CALCRL: variants seen among roughly 807,000 people sequenced by gnomAD.
CALCRL encodes the protein calcitonin receptor like receptor.
CALCRL carries 27 observed loss-of-function variants against 60.4 expected under a neutral mutation model. The observed-to-expected ratio is 0.45, with a 90% confidence interval of 0.33 to 0.62. The LOEUF (loss-of-function observed/expected upper bound fraction) is 0.62. Ranked by LOEUF, CALCRL falls within the 20% of genes least tolerant of loss-of-function variation. CALCRL has a pLI of 0.03. For synonymous variants in CALCRL, 190 were observed against 182.6 expected (o/e 1.04, Z -0.33); for missense variants, 424 against 540.7 (o/e 0.78, Z 2.14).
At chr2:187,436,851 CTCTT>C (rs1229523001) in intron 1 of CALCRL, among the ~76,000 whole-genome samples, 2 of 152,146 alleles carry the variant, frequency 1.3e-5, no homozygotes, top group Admixed American at 6.5e-5. Context: ...CTTTTATCTT[CTCTT>C]TCTTTTCTTG....
At chr2:187,411,978 CAAAAAAAAAAAAA>C (rs56075258) in intron 1 of CALCRL, among the ~76,000 whole-genome samples, 1 of 61,474 alleles carries the variant, frequency 1.6e-5, no homozygotes, top group Admixed American at 1.7e-4. Flanking sequence ...GACTCTGTCT[CAAAAAAAAAAAAA>C]AAAAAAAAAA....
intron 1 of CALCRL, among the ~76,000 whole-genome samples, chr2:187,417,700 A>G (rs1405432940): frequency 6.6e-6 from 1 of 152,112 alleles, no homozygotes; most frequent in Admixed American, 6.5e-5. Context: ...TAAATAGGCC[A>G]TGGGAGTCAG....
intron 1 of CALCRL, among the ~76,000 whole-genome samples, chr2:187,445,187 G>A (rs926867504): frequency 6.6e-6 from 1 of 151,502 alleles, no homozygotes; most frequent in Non-Finnish European, 1.5e-5. Flanking sequence ...ACTAAGATAC[G>A]TTACACACTT....
intron 1 of CALCRL, among the ~76,000 whole-genome samples, chr2:187,435,422 C>T (rs929810878): frequency 7.2e-5 from 11 of 152,144 alleles, no homozygotes; most frequent in African/African-American, 2.7e-4. Context: ...GGAGCCATCC[C>T]CATGATTCAG....
At chr2:187,375,000 C>T (rs1237296437) in intron 8 of CALCRL, among the ~76,000 whole-genome samples, 10 of 152,158 alleles carry the variant, frequency 6.6e-5, no homozygotes, top group Middle Eastern at 3.4e-3. Context: ...TGGCCGGGCG[C>T]GGTGGCTCAC....
chr2:187,400,755 T>C (rs1227101976), intron 1 of CALCRL, among the ~76,000 whole-genome samples: 1 of 151,260 alleles, frequency 6.6e-6, no homozygotes, highest in East Asian at 1.9e-4. Flanking sequence ...CTTGTAAACA[T>C]TATGCAAAGT....
chr2:187,380,598 A>C lies in CALCRL; in HGVS notation c.296-19T>G, dbSNP rs778564870. Reference sequence around the variant, plus strand: ...ACTTTTTCTTTAAAATTAAAAAAAAAGGGAAAACAGGAATTTAATTAACCT... The same window carrying C: ...ACTTTTTCTTTAAAATTAAAAAAAACGGGAAAACAGGAATTTAATTAACCT... On this transcript the variant is annotated intron_variant, in intron 6 of 14. Transcript: ENST00000392370. 3.8e-6 allele frequency: 6 copies of C among 1,587,724 alleles called. No individual in the cohort carries two copies. The East Asian group carries it at 1.1e-4, about 30-fold the overall frequency.
intron 14 of CALCRL, among the ~76,000 whole-genome samples, chr2:187,348,027 A>G (rs936201049): frequency 2.0e-5 from 3 of 151,742 alleles, no homozygotes; most frequent in Non-Finnish European, 4.4e-5. Flanking sequence ...TCTGAAGAAA[A>G]CAATTTATAT....
Position 187,426,241 on chromosome 2 carries a change from TA to T in CALCRL, c.-293+21797del, listed in dbSNP as rs71399225. Reference sequence around the variant, plus strand: ...TGAAGTTATGGTGTCTGTCATTTATTATTTTTTTTTTTTGCAGACGTGTGCA... The same window carrying T: ...TGAAGTTATGGTGTCTGTCATTTATTTTTTTTTTTTTTGCAGACGTGTGCA... On this transcript the variant is annotated intron_variant, in intron 1 of 14. Coordinates refer to ENST00000392370, the MANE Select transcript of CALCRL (RefSeq NM_005795.6). 7.7e-3 allele frequency among the ~76,000 whole-genome samples: 996 copies of T among 129,076 alleles called. 10 individuals carry two copies. Among genetic ancestry groups the T allele is most frequent in the African/African-American group, 0.022 (840 of 38,698 alleles). The allele number at this position is 129,076 out of a possible 152,430, so 84.7% of individuals were successfully genotyped here.
At chr2:187,373,465 T>C (rs1687619031) in intron 8 of CALCRL, among the ~76,000 whole-genome samples, 1 of 152,210 alleles carries the variant, frequency 6.6e-6, no homozygotes, top group South Asian at 2.1e-4. Flanking sequence ...AAAATGTTCA[T>C]TCAATGTTTA....
intron 1 of CALCRL, among the ~76,000 whole-genome samples, chr2:187,391,536 TAAGTA>T (rs1213982259): frequency 6.6e-6 from 1 of 152,140 alleles, no homozygotes; most frequent in Admixed American, 6.6e-5. Context: ...TTTATACTGT[TAAGTA>T]AATTTGTAAT....
At chr2:187,433,624 T>C (rs2105896866) in intron 1 of CALCRL, among the ~76,000 whole-genome samples, 1 of 152,114 alleles carries the variant, frequency 6.6e-6, no homozygotes, top group Non-Finnish European at 1.5e-5. Flanking sequence ...CAAAACTGGC[T>C]GAAATGGTTG....
chr2:187,382,227 T>C (rs1162319451), intron 5 of CALCRL, among the ~76,000 whole-genome samples: 1 of 152,254 alleles, frequency 6.6e-6, no homozygotes, highest in South Asian at 2.1e-4. Context: ...TCTGGTCAAA[T>C]GGATTTTAGA....
intron 5 of CALCRL, among the ~76,000 whole-genome samples, chr2:187,381,201 G>A (rs1457817265): frequency 6.6e-6 from 1 of 152,016 alleles, no homozygotes; most frequent in African/African-American, 2.4e-5. Context: ...AGTATTTTCT[G>A]AAGCAAGCCA....
intron 1 of CALCRL, among the ~76,000 whole-genome samples, chr2:187,404,724 G>A (rs1471759073): frequency 6.6e-6 from 1 of 151,708 alleles, no homozygotes; most frequent in Non-Finnish European, 1.5e-5. Flanking sequence ...GACGACGAAA[G>A]TAAGTAAAAA....
At chr2:187,396,652 A>G (rs1246813376) in intron 1 of CALCRL, among the ~76,000 whole-genome samples, 1 of 151,834 alleles carries the variant, frequency 6.6e-6, no homozygotes, top group Non-Finnish European at 1.5e-5. Flanking sequence ...ATTCCTATGG[A>G]TGACCTGGTA....
chr2:187,380,865 A>C, intron 5 of CALCRL, 78 bp from the exon 6 acceptor site: 2 of 1,112,152 alleles, frequency 1.8e-6, no homozygotes, highest in South Asian at 2.7e-5. Context: ...AAGTGGTTTC[A>C]CACTGATGTG....
intron 1 of CALCRL, among the ~76,000 whole-genome samples, chr2:187,412,575 A>G (rs1250624700): frequency 6.6e-6 from 1 of 152,240 alleles, no homozygotes; most frequent in Non-Finnish European, 1.5e-5. Context: ...GCAGATCTTC[A>G]TAAAATATAT....
chr2:187,373,704 C>A (rs1029674790), intron 8 of CALCRL, among the ~76,000 whole-genome samples: 1 of 152,214 alleles, frequency 6.6e-6, no homozygotes, highest in Non-Finnish European at 1.5e-5. Flanking sequence ...ACTGATAACA[C>A]TGCCATTATC....
Sources: gnomAD v4.1 joint callset for allele counts (sites outside exome capture counted in the v4.1 genomes callset) on GRCh38, gnomAD v4.1.1 for gene constraint, MANE v1.5 for transcripts, NCBI Gene and HGNC (gene_info 2026-07-23, HGNC 2026-07-21) for gene names.